The following CEPT1 variants were observed in gnomAD, a reference collection of about 807,000 sequenced individuals.
The protein encoded by CEPT1 is choline/ethanolaminephosphotransferase 1.
Under a neutral mutation model 42.6 loss-of-function variants are expected in CEPT1, and 7 were observed. That is an observed-to-expected ratio of 0.16 (90% CI 0.09 to 0.31). The LOEUF is 0.31. CEPT1 is among the 10% of genes least tolerant of loss of function. CEPT1 has a pLI of 1.00. For synonymous variants in CEPT1, 171 were observed against 171.9 expected (o/e 0.99, Z 0.04); for missense variants, 306 against 502.1 (o/e 0.61, Z 3.73).
chr1:111,168,610 TCCCAA>T (rs1014218078), intron 4 of CEPT1, among the ~76,000 whole-genome samples: 3 of 151,958 alleles, frequency 2.0e-5, no homozygotes, highest in Admixed American at 2.0e-4. Context: ...TGCCTCAGCC[TCCCAA>T]GTAGCTGTCA....
At chr1:111,161,606 CA>C (rs1321726740) in intron 4 of CEPT1, among the ~76,000 whole-genome samples, 1 of 152,046 alleles carries the variant, frequency 6.6e-6, no homozygotes, top group Non-Finnish European at 1.5e-5. Context: ...ACCTTAATTC[CA>C]TTTTTATTTT....
At chr1:111,144,825 A>G (rs954412213) in intron 1 of CEPT1, among the ~76,000 whole-genome samples, 3 of 152,216 alleles carry the variant, frequency 2.0e-5, no homozygotes, top group Non-Finnish European at 4.4e-5. Flanking sequence ...AAATTTGGCT[A>G]CTATGAAGCT....
chr1:111,184,847 C>CTTTTTTTTTT lies in CEPT1; in HGVS notation c.*550_*559dup, dbSNP rs34173256. 2.6e-5 allele frequency: 3 copies of CTTTTTTTTTT among 116,478 alleles called. No individual in the cohort carries two copies. Among genetic ancestry groups the CTTTTTTTTTT allele is most frequent in the African/African-American group, 3.2e-5 (1 of 31,136 alleles). 7.2% of individuals were successfully genotyped at this position (116,478 alleles called of 1,614,324 possible). On this transcript the variant is annotated 3_prime_UTR_variant, in exon 9 of 9. Coordinates refer to ENST00000357172, the MANE Select transcript of CEPT1 (RefSeq NM_006090.5). ...CTATCTTTACATTGTTGAGGAAGTC[C>CTTTTTTTTTT]TTTTTTTTTTTTTTTTTTTTTTAAT...
At chr1:111,161,431 T>A in intron 4 of CEPT1, 135 bp downstream of exon 4, 2 of 800,436 alleles carry the variant, frequency 2.5e-6, no homozygotes, top group Non-Finnish European at 3.8e-6. Context: ...GCTTCATTAT[T>A]ATAGCTATTT....
chr1:111,183,873 A>G (rs749661926), intron 8 of CEPT1, among the ~76,000 whole-genome samples: 7 of 152,294 alleles, frequency 4.6e-5, no homozygotes, highest in Admixed American at 2.6e-4. Flanking sequence ...CTGTGGGCCC[A>G]TAGCCTGTTT....
chr1:111,147,549 ATTTT>A, intron 1 of CEPT1, 89 bp from the exon 2 acceptor site: 1 of 517,902 alleles, frequency 1.9e-6, no homozygotes, highest in Non-Finnish European at 3.3e-6. Flanking sequence ...TGACAATTTG[ATTTT>A]TTGTTTCCTA....
intron 2 of CEPT1, among the ~76,000 whole-genome samples, chr1:111,153,175 T>A (rs1009151245): frequency 6.6e-6 from 1 of 152,120 alleles, no homozygotes; most frequent in Non-Finnish European, 1.5e-5. Context: ...TCCCTTTACT[T>A]CTATGAGCAT....
At chr1:111,183,284 A>G (rs2101414470) in intron 7 of CEPT1, among the ~76,000 whole-genome samples, 178 bp from the exon 8 acceptor site, 1 of 152,328 alleles carries the variant, frequency 6.6e-6, no homozygotes, top group Middle Eastern at 3.4e-3. Flanking sequence ...GTTAGTTGAC[A>G]TGATACATCC....
intron 5 of CEPT1, chr1:111,179,069 T>C (rs922222119): frequency 2.0e-5 from 3 of 152,210 alleles, no homozygotes; most frequent in African/African-American, 7.2e-5. Flanking sequence ...TCTGCTCTGA[T>C]GTACAAAGCC....
chr1:111,161,122 T>C, intron 3 of CEPT1, 33 bp from the exon 4 acceptor site: 1 of 1,612,952 alleles, frequency 6.2e-7, no homozygotes, highest in Non-Finnish European at 8.5e-7. Flanking sequence ...CTATTCATAT[T>C]ATTTGGTTTT....
At chr1:111,180,555 A>AGTTGACCTAGTTAATTTTAGAACTAG (rs1254655555) in intron 5 of CEPT1, 4 of 152,220 alleles carry the variant, frequency 2.6e-5, no homozygotes. Context: ...GACTTGACTT[A>AGTTGACCTAGTTAATTTTAGAACTAG]GTTGACCTAG....
intron 4 of CEPT1, among the ~76,000 whole-genome samples, chr1:111,161,768 A>G (rs955868366): frequency 6.6e-6 from 1 of 152,180 alleles, no homozygotes; most frequent in Non-Finnish European, 1.5e-5. Context: ...GTTGGTTATT[A>G]TCTCACAGTT....
chr1:111,163,855 T>A lies in CEPT1; in HGVS notation c.629+2559T>A, dbSNP rs548833307. 3.9e-5 allele frequency among the ~76,000 whole-genome samples: 6 copies of A among 152,322 alleles called. No individual in the cohort carries two copies. In the East Asian group the frequency reaches 9.6e-4, roughly 24 times the overall value. ...ATGTAGTTTGAGTAAAGAAATTTTT[T>A]AAAATCACTTGCATTTTCTTACTGT... On this transcript the variant is annotated intron_variant, in intron 4 of 8. Coordinates refer to ENST00000357172, the MANE Select transcript of CEPT1 (RefSeq NM_006090.5).
At chr1:111,144,083 A>G (rs1654816365) in intron 1 of CEPT1, among the ~76,000 whole-genome samples, 1 of 152,032 alleles carries the variant, frequency 6.6e-6, no homozygotes, top group African/African-American at 2.4e-5. Context: ...CCCCACATCC[A>G]TTTTTCCTTT....
In CEPT1 at chr1:111,183,556, T is replaced by C; in HGVS notation, c.1100T>C (p.Ile367Thr). 1 of 1,613,010 alleles carries C rather than the reference T, an allele frequency of 6.2e-7. No individual in the cohort carries two copies. The highest frequency in any genetic ancestry group is 8.5e-7 in the Non-Finnish European group (1 of 1,179,028). ...LFLDQYFNSF[I>T]DEYIVLWIAL... is the part of the protein sequence containing the mutation. Reference sequence around the variant, plus strand: ...CTGGACCAGTATTTTAACAGCTTTATTGATGAATATATTGTACTTTGGATT... The same window carrying C: ...CTGGACCAGTATTTTAACAGCTTTACTGATGAATATATTGTACTTTGGATT... The change falls in exon 8 of 9, where the codon ATT becomes ACT. Residue 367 changes from isoleucine (I) to threonine (T), a missense_variant. Transcript: ENST00000357172.
At chr1:111,150,715 T>C (rs1655226599) in intron 2 of CEPT1, among the ~76,000 whole-genome samples, 1 of 152,244 alleles carries the variant, frequency 6.6e-6, no homozygotes, top group African/African-American at 2.4e-5. Context: ...ATTATAATAG[T>C]TTAAGCTCAG....
chr1:111,149,568 C>A (rs139675353), intron 2 of CEPT1, among the ~76,000 whole-genome samples: 40 of 152,278 alleles, frequency 2.6e-4, no homozygotes, highest in African/African-American at 9.4e-4. Context: ...CTCCCCTCCT[C>A]TTTTTAACTC....
At chr1:111,181,848 A>G (rs1657008564) in intron 5 of CEPT1, 2 of 158,666 alleles carry the variant, frequency 1.3e-5, no homozygotes, top group Non-Finnish European at 2.8e-5. Flanking sequence ...CACTCCTTTT[A>G]TTAAAAGGCC....
chr1:111,167,885 C>A, intron 4 of CEPT1: 7 of 583,652 alleles, frequency 1.2e-5, no homozygotes, highest in Non-Finnish European at 1.5e-5. Flanking sequence ...AGTAATGTAT[C>A]TTTTTCCTTT....
Sources: gnomAD v4.1 joint callset for allele counts (sites outside exome capture counted in the v4.1 genomes callset) on GRCh38, gnomAD v4.1.1 for gene constraint, MANE v1.5 for transcripts, NCBI Gene and HGNC (gene_info 2026-07-23, HGNC 2026-07-21) for gene names.